USP35: variants seen among roughly 807,000 people sequenced by gnomAD.
The protein encoded by USP35 is ubiquitin specific peptidase 35.
A neutral mutation model predicts 83.8 loss-of-function variants in USP35; 69 were observed. The observed-to-expected ratio is 0.82, with a 90% confidence interval of 0.68 to 1.01. The LOEUF (loss-of-function observed/expected upper bound fraction) is 1.01, where lower values mean the gene tolerates loss of function less well. USP35 is among the 50% of genes least tolerant of loss of function. The pLI is 0.00. For synonymous variants in USP35, 714 were observed against 589.5 expected, an observed-to-expected ratio of 1.21 and a Z score of -3.06; for missense variants, 1,503 against 1,362.5, an observed-to-expected ratio of 1.10 and a Z score of -1.62.
the USP35 span, among the ~76,000 whole-genome samples, chr11:78,230,860 A>G: frequency 6.6e-6 from 1 of 152,232 alleles, no homozygotes; most frequent in Non-Finnish European, 1.5e-5. Context: ...CCAAATACTC[A>G]GCAGTCTTAT....
chr11:78,220,059 A>T (rs973190780), downstream of USP35, among the ~76,000 whole-genome samples: 3 of 152,082 alleles, frequency 2.0e-5, no homozygotes, highest in Non-Finnish European at 4.4e-5. Context: ...CTGTGCACTC[A>T]TTTGCCCATC....
At chr11:78,220,469 G>A in the USP35 span, 1 of 1,546,254 alleles carries the variant, frequency 6.5e-7, no homozygotes, top group Non-Finnish European at 8.8e-7. Context: ...AAAAAACTGT[G>A]AGTGACTGCA....
chr11:78,196,704 C>T lies in USP35; in HGVS notation c.459C>T (p.Arg153=). ...QVARLLARHP[R]CVPDGPHRLL... ...CACGGCTGCTGGCTCGCCACCCGCG[C>T]TGTGTGCCCGACGGACCCCACCGCC... Residue 153 remains arginine (R), a synonymous_variant, in exon 2 of 11, where the codon CGC becomes CGT. Transcript: ENST00000529308. This position sits in a 1 kb window ranked among gnomAD's most constrained non-coding sequence, Gnocchi z 4.8. 1 of 1,524,602 alleles carries T rather than the reference C, an allele frequency of 6.6e-7. No individual in the cohort carries two copies. The highest frequency in any genetic ancestry group is 8.8e-7 in the Non-Finnish European group (1 of 1,142,300). 94.4% of individuals were successfully genotyped at this position (1,524,602 alleles called of 1,614,324 possible). A position where few individuals can be genotyped will look rare whatever the true frequency, so the allele number is the denominator to read the frequency against.
chr11:78,233,247 C>T, the USP35 span, among the ~76,000 whole-genome samples: 1 of 152,092 alleles, frequency 6.6e-6, no homozygotes, highest in Non-Finnish European at 1.5e-5. Context: ...GTTGCCCGGG[C>T]TGGTCTCAAA....
rs933152571 is a variant in USP35 at position 78,189,009 on chromosome 11, C to G, written c.-159C>G. ...GGAAGACTGGATTTTGCAGTGGAAGCAGCATCTCTTCCGTCTGGGACCTGG... is the reference window on the plus strand; with the variant it reads ...GGAAGACTGGATTTTGCAGTGGAAGGAGCATCTCTTCCGTCTGGGACCTGG... On this transcript the variant is annotated 5_prime_UTR_variant, in exon 1 of 11. Transcript: ENST00000529308. The G allele has an allele frequency of 1.6e-5, 15 of 948,852 alleles. No individual in the cohort carries two copies. Among genetic ancestry groups the G allele is most frequent in the Non-Finnish European group, 1.9e-5 (15 of 796,670 alleles). The allele number at this position is 948,852 out of a possible 1,614,324, so 58.8% of individuals were successfully genotyped here. A position where few individuals can be genotyped will look rare whatever the true frequency, so the allele number is the denominator to read the frequency against.
At chr11:78,192,282 A>G (rs1863028566) in intron 1 of USP35, among the ~76,000 whole-genome samples, 1 of 152,198 alleles carries the variant, frequency 6.6e-6, no homozygotes, top group South Asian at 2.1e-4. Context: ...CTCTTGAGTC[A>G]GAGCCAGCAT....
At chr11:78,226,484 G>A in the USP35 span, 1 of 1,613,488 alleles carries the variant, frequency 6.2e-7, no homozygotes, top group Non-Finnish European at 8.5e-7. Flanking sequence ...GTCGGCTGTT[G>A]TCCATTGCAG....
At chr11:78,228,653 C>T in the USP35 span, among the ~76,000 whole-genome samples, 1 of 152,138 alleles carries the variant, frequency 6.6e-6, no homozygotes, top group Non-Finnish European at 1.5e-5. Flanking sequence ...AAACTGTACC[C>T]ACCATGATGG....
At chr11:78,219,033 G>A (rs1864284780), downstream of USP35, 1 of 508,400 alleles carries the variant, frequency 2.0e-6, no homozygotes, top group Non-Finnish European at 3.5e-6. Flanking sequence ...GGTGGGTGGA[G>A]GCATGGCCAT....
intron 6 of USP35, among the ~76,000 whole-genome samples, chr11:78,203,986 G>A (rs1219331448): frequency 7.0e-5 from 10 of 143,704 alleles, no homozygotes; most frequent in African/African-American, 2.4e-4. Context: ...CGCCTCCCGG[G>A]TTCACGCCAT....
chr11:78,210,770 T>A, intron 10 of USP35, 26 bp downstream of exon 10: 1 of 1,507,428 alleles, frequency 6.6e-7, no homozygotes. Context: ...GGGCCTTTGA[T>A]CTGATCTCTT....
Position 78,213,825 on chromosome 11 carries a change from TGCCAACCTGAC to T in USP35, c.*13_*23del, listed in dbSNP as rs745497625. ...GACTGGTCTTCTAATGTGAACCTGC[TGCCAACCTGAC>T]CCCTTCCCTCCAGGAGCCAGGTAGG... On this transcript the variant is annotated 3_prime_UTR_variant, in exon 11 of 11. Transcript: ENST00000529308. 6.5e-7 allele frequency: 1 copy of T among 1,544,180 alleles called. No individual in the cohort carries two copies. The highest frequency in any genetic ancestry group is 8.7e-7 in the Non-Finnish European group (1 of 1,154,950).
intron 7 of USP35, among the ~76,000 whole-genome samples, chr11:78,206,783 A>G (rs924289535): frequency 6.6e-6 from 1 of 152,226 alleles, no homozygotes; most frequent in Non-Finnish European, 1.5e-5. Context: ...CAGCTTCTGA[A>G]CTTACCTTGT....
Position 78,196,290 on chromosome 11 carries a change from C to T in USP35, c.45C>T (p.Val15=). The part of the protein sequence containing the change: ...LEAVVTSSYP[V]SVKQGLVRRV... Reference sequence around the variant, plus strand: ...CGGTGGTGACGTCGTCATACCCGGTCAGCGTGAAGCAGGGGCTGGTTCGGC... The same window carrying T: ...CGGTGGTGACGTCGTCATACCCGGTTAGCGTGAAGCAGGGGCTGGTTCGGC... Residue 15 remains valine (V), a synonymous_variant, in exon 2 of 11, where the codon GTC becomes GTT. Coordinates refer to ENST00000529308, the MANE Select transcript of USP35 (RefSeq NM_020798.4). The surrounding 1 kb of genome is among the most constrained non-coding windows in gnomAD (Gnocchi z 4.8). 6.3e-7 allele frequency: 1 copy of T among 1,594,838 alleles called. No individual in the cohort carries two copies.
At position 78,208,847 on chromosome 11, in the gene USP35, C is replaced by T; in HGVS notation, c.1486-10C>T. On this transcript the variant is annotated splice_polypyrimidine_tract_variant and intron_variant, in intron 8 of 10. Transcript: ENST00000529308. ...GCTCCTGACCATGCCTTTCGCCTGC[C>T]TTGTCCTAGCGGCCTGCCATTTCCC... The T allele has an allele frequency of 6.2e-7, 1 of 1,614,148 alleles. No homozygotes were observed. The highest frequency in any genetic ancestry group is 8.5e-7 in the Non-Finnish European group (1 of 1,179,986).
the USP35 span, among the ~76,000 whole-genome samples, chr11:78,235,562 T>C: frequency 5.9e-5 from 9 of 152,332 alleles, no homozygotes; most frequent in East Asian, 1.3e-3. Flanking sequence ...ACCTCTTGAA[T>C]GCTTTGCTGC....
chr11:78,199,329 G>T, intron 3 of USP35: 1 of 438,558 alleles, frequency 2.3e-6, no homozygotes, highest in Non-Finnish European at 4.2e-6. Flanking sequence ...TGGCATTGCA[G>T]CCCAGTGTGG....
At position 78,196,845 on chromosome 11, in the gene USP35, G is replaced by A. The variant is rs1376811828; in HGVS notation, c.600G>A (p.Ala200=). The A allele has an allele frequency of 2.6e-6, 4 of 1,525,190 alleles. No individual in the cohort carries two copies. The African/African-American group carries it at 5.5e-5, about 21-fold the overall frequency. The allele number at this position is 1,525,190 out of a possible 1,614,324, so 94.5% of individuals were successfully genotyped here. The change falls in exon 2 of 11, where the codon GCG becomes GCA. Residue 200 remains alanine, a synonymous_variant. Coordinates refer to ENST00000529308, the MANE Select transcript of USP35 (RefSeq NM_020798.4). The surrounding 1 kb of genome is among the most constrained non-coding windows in gnomAD (Gnocchi z 4.8). ...CCCAGCAGGTGAGCGGGCTCCTGGC[G>A]CAGCTGTGGCGCGCACAGCCCGCCG... is the stretch of plus-strand genomic sequence containing the variant. ...EQAQQVSGLL[A]QLWRAQPAAI... is the part of the protein sequence containing the mutation.
chr11:78,214,099 G>T lies in USP35; in HGVS notation c.*286G>T. The T allele has an allele frequency of 3.0e-6, 1 of 333,054 alleles. No individual in the cohort carries two copies. Among genetic ancestry groups the T allele is most frequent in the Non-Finnish European group, 5.4e-6 (1 of 184,098 alleles). The allele number at this position is 333,054 out of a possible 1,614,324, so 20.6% of individuals were successfully genotyped here. A position where few individuals can be genotyped will look rare whatever the true frequency, so the allele number is the denominator to read the frequency against. ...TTTGCCTCCCCCTCCTTCCCTAGCA[G>T]GCTCCCCATGCGGGAAGATCTGATG... On this transcript the variant is annotated 3_prime_UTR_variant, in exon 11 of 11. Transcript: ENST00000529308.
Sources: gnomAD v4.1 joint callset for allele counts (sites outside exome capture counted in the v4.1 genomes callset) on GRCh38, gnomAD v4.1.1 for gene constraint, Gnocchi (gnomAD v3.1) non-coding constraint, MANE v1.5 for transcripts, NCBI Gene and HGNC (gene_info 2026-07-23, HGNC 2026-07-21) for gene names.